The following ERBB4 variants were observed in gnomAD, a reference collection of about 807,000 sequenced individuals.
ERBB4 encodes receptor tyrosine-protein kinase erbB-4.
In ERBB4, 42 loss-of-function variants were observed where a neutral mutation model predicts 158.0. That is an observed-to-expected ratio of 0.27 (90% CI 0.21 to 0.34). The LOEUF (loss-of-function observed/expected upper bound fraction) is 0.34, where lower values mean the gene tolerates loss of function less well. Ranked by LOEUF, ERBB4 falls within the 10% of genes least tolerant of loss-of-function variation. ERBB4 has a pLI of 1.00. For missense variants in ERBB4, 1,333 were observed against 1,624.1 expected, an observed-to-expected ratio of 0.82 and a Z score of 3.08; for synonymous variants, 583 against 558.7, an observed-to-expected ratio of 1.04 and a Z score of -0.61.
chr2:212,041,366 T>C (rs1000172799), intron 2 of ERBB4, among the ~76,000 whole-genome samples: 6 of 151,984 alleles, frequency 3.9e-5, no homozygotes, highest in African/African-American at 2.4e-5. Flanking sequence ...AGGTTACCCA[T>C]TGGTATTAAA....
intron 16 of ERBB4, among the ~76,000 whole-genome samples, chr2:211,646,528 T>C (rs2070786350): frequency 6.6e-6 from 1 of 151,608 alleles, no homozygotes; most frequent in Non-Finnish European, 1.5e-5. Context: ...GGGAATTCCA[T>C]CATAATTTCT....
chr2:212,142,997 T>C (rs182430375), intron 1 of ERBB4, among the ~76,000 whole-genome samples: 4 of 152,224 alleles, frequency 2.6e-5, no homozygotes, highest in African/African-American at 9.6e-5. Flanking sequence ...AGGAAACTTT[T>C]TGAAGAGTCA....
At chr2:212,368,019 G>A (rs1478585278) in intron 1 of ERBB4, among the ~76,000 whole-genome samples, 4 of 152,094 alleles carry the variant, frequency 2.6e-5, no homozygotes, top group Non-Finnish European at 5.9e-5. Context: ...TAAAAACAAC[G>A]TGGGGATTCC....
At chr2:211,965,603 CA>C (rs1451943035) in intron 2 of ERBB4, among the ~76,000 whole-genome samples, 2 of 151,818 alleles carry the variant, frequency 1.3e-5, no homozygotes, top group Non-Finnish European at 2.9e-5. Flanking sequence ...TAAGGTAATT[CA>C]AAGCAGAAAA....
rs1388188313 is a variant in ERBB4 at position 212,051,979 on chromosome 2, CAACTT to C, written c.234+72768_234+72772del. Among the ~76,000 whole-genome samples, 7 of 152,210 alleles carry C rather than the reference CAACTT, an allele frequency of 4.6e-5. No individual in the cohort carries two copies. The East Asian group carries it at 1.4e-3, about 30-fold the overall frequency. On this transcript the variant is annotated intron_variant, in intron 2 of 27. Transcript: ENST00000342788. ...TTTTGTGATGGTTAATATTGAGTGT[CAACTT>C]GACTGGATTGAAGGATGCAGAATAG... is the stretch of plus-strand genomic sequence containing the variant.
intron 4 of ERBB4, among the ~76,000 whole-genome samples, chr2:211,784,088 A>G (rs1212046942): frequency 1.3e-5 from 2 of 152,162 alleles, no homozygotes; most frequent in East Asian, 3.8e-4. Flanking sequence ...TTCCTGATTT[A>G]TTCATAATTA....
At chr2:211,411,073 T>C (rs185577647) in intron 25 of ERBB4, among the ~76,000 whole-genome samples, 1 of 152,230 alleles carries the variant, frequency 6.6e-6, no homozygotes, top group African/African-American at 2.4e-5. Flanking sequence ...TACACCCAGG[T>C]AATTTTTGTA....
At position 212,047,699 on chromosome 2, in the gene ERBB4, G is replaced by A. The variant is rs908678491; in HGVS notation, c.234+77053C>T. Among the ~76,000 whole-genome samples the A allele has an allele frequency of 9.5e-4, 143 of 150,722 alleles. 1 individual carries two copies. The highest frequency in any genetic ancestry group is 8.9e-4 in the Non-Finnish European group (60 of 67,782). On this transcript the variant is annotated intron_variant, in intron 2 of 27. Coordinates refer to ENST00000342788, the MANE Select transcript of ERBB4 (RefSeq NM_005235.3). The stretch of plus-strand genomic sequence containing the variant: ...GGGTTTCACCATGTTGCCCAGGCTG[G>A]TCTCGAACTCCTGAGCTCAAGCAAT...
rs116898873 is a variant in ERBB4, at chr2:212,210,687, C to T, written c.83-85784G>A. ...CTGCTTTTTCATGAAACAAGAGAATCGAGAGTCAGATAATGGATATTTTGA... is the reference window on the plus strand; with the variant it reads ...CTGCTTTTTCATGAAACAAGAGAATTGAGAGTCAGATAATGGATATTTTGA... On this transcript the variant is annotated intron_variant, in intron 1 of 27. Transcript: ENST00000342788. 3.7e-4 allele frequency among the ~76,000 whole-genome samples: 57 copies of T among 152,128 alleles called. 1 individual carries two copies. In the East Asian group the frequency reaches 0.01, roughly 27 times the overall value.
At chr2:212,399,360 A>C (rs73060389) in intron 1 of ERBB4, among the ~76,000 whole-genome samples, 3,845 of 151,756 alleles carry the variant, frequency 0.025, 172 homozygotes, top group African/African-American at 0.087. Context: ...AAAATGGTTT[A>C]ATTATTATTG....
At chr2:211,691,502 C>T (rs772881496) in intron 12 of ERBB4, among the ~76,000 whole-genome samples, 1 of 151,276 alleles carries the variant, frequency 6.6e-6, no homozygotes, top group African/African-American at 2.4e-5. Flanking sequence ...TATTTTGTTA[C>T]CTCATGGAGT....
chr2:211,963,138 G>T (rs1308573571), intron 2 of ERBB4, among the ~76,000 whole-genome samples: 2 of 152,026 alleles, frequency 1.3e-5, no homozygotes, highest in Non-Finnish European at 2.9e-5. Flanking sequence ...GTTCTCAACT[G>T]GGGTGTTTTG....
rs545433092 is a variant in ERBB4 at position 212,494,976 on chromosome 2, C to A, written c.82+43473G>T. ...TTATAAGCTTCCAAAGAAAAATAAACCTTCAACTCCAAAAATACTTATAAA... is the reference window on the plus strand; with the variant it reads ...TTATAAGCTTCCAAAGAAAAATAAAACTTCAACTCCAAAAATACTTATAAA... On this transcript the variant is annotated intron_variant, in intron 1 of 27. Coordinates refer to ENST00000342788, the MANE Select transcript of ERBB4 (RefSeq NM_005235.3). Among the ~76,000 whole-genome samples the A allele has an allele frequency of 4.6e-5, 7 of 152,080 alleles. No homozygotes were observed. In the East Asian group the frequency reaches 7.7e-4, roughly 17 times the overall value.
chr2:212,144,206 T>C (rs1407993527), intron 1 of ERBB4, among the ~76,000 whole-genome samples: 2 of 152,142 alleles, frequency 1.3e-5, no homozygotes, highest in Non-Finnish European at 2.9e-5. Flanking sequence ...AATTCTCAAA[T>C]GATATGTATA....
At chr2:211,829,744 C>T (rs887744858) in intron 3 of ERBB4, among the ~76,000 whole-genome samples, 1 of 152,084 alleles carries the variant, frequency 6.6e-6, no homozygotes, top group East Asian at 1.9e-4. Context: ...TATCTATTGT[C>T]CTTCCTTCAT....
At chr2:211,622,885 C>A (rs1209695329) in intron 18 of ERBB4, among the ~76,000 whole-genome samples, 3 of 139,822 alleles carry the variant, frequency 2.1e-5, no homozygotes, top group Non-Finnish European at 4.5e-5. Flanking sequence ...ATAGCTGGAA[C>A]CTGGGAGGAG....
At chr2:212,454,319 A>G (rs922291077) in intron 1 of ERBB4, among the ~76,000 whole-genome samples, 1 of 152,210 alleles carries the variant, frequency 6.6e-6, no homozygotes, top group Non-Finnish European at 1.5e-5. Context: ...GAGAAGACAG[A>G]CTAATTTAAG....
chr2:211,915,195 T>C (rs993577827), intron 3 of ERBB4, among the ~76,000 whole-genome samples: 3 of 152,122 alleles, frequency 2.0e-5, no homozygotes, highest in Admixed American at 6.5e-5. Flanking sequence ...GGTTCTAATA[T>C]TACCACCAAG....
At position 211,725,169 on chromosome 2, in the gene ERBB4, T is replaced by C. The variant is rs200444437; in HGVS notation, c.648A>G (p.Gln216=). 705 of 1,613,960 alleles carry C rather than the reference T, an allele frequency of 4.4e-4. No homozygotes were observed. The highest frequency in any genetic ancestry group is 5.4e-4 in the Non-Finnish European group (635 of 1,179,872). ...AAGGTCCGTAGCATCTGCCGTCACA[T>C]TGTTCTGCACACACCGTCCTTGTCA... ...QTLTRTVCAE[Q]CDGRCYGPYV... is the part of the protein sequence containing the mutation. Residue 216 remains glutamine (Q), a synonymous_variant, in exon 6 of 28, where the codon CAA becomes CAG. Coordinates refer to ENST00000342788, the MANE Select transcript of ERBB4 (RefSeq NM_005235.3).
Sources: allele counts gnomAD v4.1 joint callset (sites outside exome capture counted in the v4.1 genomes callset), GRCh38; gene constraint gnomAD v4.1.1; transcripts MANE v1.5; gene names NCBI Gene and HGNC (gene_info 2026-07-23, HGNC 2026-07-21).